Variants in CADM2 observed in about 807,000 individuals in gnomAD.
CADM2 encodes the protein cell adhesion molecule 2.
CADM2 carries 12 observed loss-of-function variants against 49.8 expected under a neutral mutation model. The observed-to-expected ratio is 0.24, with a 90% CI of 0.15 to 0.39. The LOEUF (loss-of-function observed/expected upper bound fraction) is 0.39, where lower values mean the gene tolerates loss of function less well. CADM2 is among the 10% of genes least tolerant of loss of function. CADM2 has a pLI of 1.00. For missense variants in CADM2, 378 were observed against 492.3 expected, an observed-to-expected ratio of 0.77 and a Z score of 2.20; for synonymous variants, 214 against 175.4, an observed-to-expected ratio of 1.22 and a Z score of -1.74.
At chr3:85,681,686 A>G (rs533879292) in intron 1 of CADM2, among the ~76,000 whole-genome samples, 130 of 152,264 alleles carry the variant, frequency 8.5e-4, no homozygotes, top group African/African-American at 2.8e-3. Context: ...TCAAATTTTC[A>G]TGATAAATTT....
intron 1 of CADM2, among the ~76,000 whole-genome samples, chr3:85,076,172 A>G (rs1343802398): frequency 6.6e-6 from 1 of 152,152 alleles, no homozygotes; most frequent in Non-Finnish European, 1.5e-5. Context: ...TCCTCCCTGC[A>G]TAACTAAAGA....
intron 2 of CADM2, among the ~76,000 whole-genome samples, chr3:85,787,199 CAA>C (rs779347539): frequency 6.2e-4 from 94 of 151,938 alleles, no homozygotes; most frequent in Admixed American, 1.4e-3. Context: ...CATTTTTCAT[CAA>C]AGAGTGAGGA....
chr3:85,778,426 A>G (rs1303938784), intron 2 of CADM2, among the ~76,000 whole-genome samples: 1 of 152,100 alleles, frequency 6.6e-6, no homozygotes, highest in Non-Finnish European at 1.5e-5. Context: ...CAGGGGAAGG[A>G]CCACATGGAG....
chr3:85,260,257 A>G (rs904891861), intron 1 of CADM2, among the ~76,000 whole-genome samples: 6 of 152,118 alleles, frequency 3.9e-5, no homozygotes, highest in Non-Finnish European at 8.8e-5. Context: ...CAAAAGCCTA[A>G]GTATTCAGGC....
intron 1 of CADM2, among the ~76,000 whole-genome samples, chr3:85,370,798 A>G (rs968264987): frequency 5.3e-5 from 8 of 152,156 alleles, no homozygotes; most frequent in South Asian, 4.1e-4. Context: ...TAACAGCCCC[A>G]TGCATGTTAT....
chr3:85,858,134 C>G (rs1170224043), intron 3 of CADM2, among the ~76,000 whole-genome samples: 5 of 152,152 alleles, frequency 3.3e-5, no homozygotes, highest in Admixed American at 3.3e-4. Context: ...ATATCTCTGC[C>G]TTTAGCTATG....
intron 5 of CADM2, among the ~76,000 whole-genome samples, chr3:85,901,815 T>G (rs949494996): frequency 3.8e-4 from 58 of 152,276 alleles, no homozygotes; most frequent in Non-Finnish European, 5.9e-4. Flanking sequence ...GTCTCCACCC[T>G]AACTCTAAGC....
intron 1 of CADM2, among the ~76,000 whole-genome samples, chr3:85,556,712 C>T (rs1395098108): frequency 2.0e-5 from 3 of 152,182 alleles, no homozygotes; most frequent in African/African-American, 4.8e-5. Context: ...TTTATATTCT[C>T]TCATTAAGAA....
At chr3:85,973,216 G>T (rs1452581772) in intron 8 of CADM2, among the ~76,000 whole-genome samples, 1 of 151,602 alleles carries the variant, frequency 6.6e-6, no homozygotes, top group African/African-American at 2.4e-5. Flanking sequence ...TAAAGCACCT[G>T]TCATTTCTAG....
chr3:85,679,399 G>A (rs934564736), intron 1 of CADM2, among the ~76,000 whole-genome samples: 3 of 152,088 alleles, frequency 2.0e-5, no homozygotes, highest in Admixed American at 6.6e-5. Flanking sequence ...GATTAGGCTG[G>A]TCTCTGATTG....
At chr3:85,691,934 A>T (rs1167590796) in intron 1 of CADM2, among the ~76,000 whole-genome samples, 1 of 152,092 alleles carries the variant, frequency 6.6e-6, no homozygotes, top group Non-Finnish European at 1.5e-5. Flanking sequence ...ATGAGAACAC[A>T]TGGACACAGG....
rs940759211 is a variant in CADM2, at chr3:84,981,040, A to G, written c.61+21372A>G. On this transcript the variant is annotated intron_variant, in intron 1 of 9. Transcript: ENST00000383699. Reference sequence around the variant, plus strand: ...TGTGCACATTGTGCAGGTTAGTTACATATGTATACATGTGCCATGCTGGTG... The same window carrying G: ...TGTGCACATTGTGCAGGTTAGTTACGTATGTATACATGTGCCATGCTGGTG... 3.3e-5 allele frequency among the ~76,000 whole-genome samples: 5 copies of G among 151,996 alleles called. No individual in the cohort carries two copies. In the East Asian group the frequency reaches 7.8e-4, roughly 24 times the overall value.
chr3:85,946,777 C>T (rs1348143604), intron 7 of CADM2, among the ~76,000 whole-genome samples: 1 of 152,064 alleles, frequency 6.6e-6, no homozygotes, highest in Admixed American at 6.6e-5. Context: ...CTTCCTTACA[C>T]CTTATACAAA....
intron 1 of CADM2, among the ~76,000 whole-genome samples, chr3:85,482,563 A>G (rs1308525388): frequency 6.6e-6 from 1 of 151,726 alleles, no homozygotes; most frequent in Non-Finnish European, 1.5e-5. Flanking sequence ...GCAAACTGCA[A>G]CTGTGAGGAA....
chr3:85,627,306 C>T (rs2064155950), intron 1 of CADM2, among the ~76,000 whole-genome samples: 1 of 151,948 alleles, frequency 6.6e-6, no homozygotes, highest in Non-Finnish European at 1.5e-5. Context: ...TGCAGAGATG[C>T]ACATTAAGAC....
In CADM2 at chr3:85,496,905, G is replaced by A. The variant is rs1311602822; in HGVS notation, c.62-229617G>A. On this transcript the variant is annotated intron_variant, in intron 1 of 9. Transcript: ENST00000383699. ...TGTTGCCAGGCTGGAGTGCAATGGCGCCATCTCGGCTCACTGCAACCTCCA... is the reference window on the plus strand; with the variant it reads ...TGTTGCCAGGCTGGAGTGCAATGGCACCATCTCGGCTCACTGCAACCTCCA... Among the ~76,000 whole-genome samples the A allele has an allele frequency of 2.6e-5, 4 of 152,038 alleles. No individual in the cohort carries two copies. In the South Asian group the frequency reaches 6.2e-4, roughly 24 times the overall value.
chr3:85,018,944 T>A (rs956463619), intron 1 of CADM2, among the ~76,000 whole-genome samples: 7 of 152,102 alleles, frequency 4.6e-5, no homozygotes, highest in African/African-American at 1.7e-4. Context: ...TTTGTGCCTG[T>A]TGTGATCAGC....
intron 3 of CADM2, among the ~76,000 whole-genome samples, chr3:85,870,791 A>C (rs2075898817): frequency 6.6e-6 from 1 of 152,146 alleles, no homozygotes; most frequent in African/African-American, 2.4e-5. Context: ...GGGTTGAATG[A>C]TAGTTCTGTT....
chr3:85,671,625 A>G (rs117327558), intron 1 of CADM2, among the ~76,000 whole-genome samples: 3 of 152,032 alleles, frequency 2.0e-5, no homozygotes, highest in East Asian at 3.9e-4. Flanking sequence ...CTCTAACTCT[A>G]TGTCAGCCAC....
Sources: allele counts gnomAD v4.1 joint callset (sites outside exome capture counted in the v4.1 genomes callset), GRCh38; gene constraint gnomAD v4.1.1; transcripts MANE v1.5; gene names NCBI Gene and HGNC (gene_info 2026-07-23, HGNC 2026-07-21).